Variants in SPATA13 observed in about 807,000 individuals in gnomAD.
The protein encoded by SPATA13 is spermatogenesis associated 13.
In SPATA13, 50 loss-of-function variants were observed where a neutral mutation model predicts 104.0. That is an observed-to-expected ratio of 0.48 (90% CI 0.38 to 0.61). The LOEUF (loss-of-function observed/expected upper bound fraction) is 0.61. SPATA13 is among the 20% of genes least tolerant of loss of function. SPATA13 has a pLI of 0.00. For synonymous variants in SPATA13, 606 were observed against 667.5 expected, an observed-to-expected ratio of 0.91 and a Z score of 1.42; for missense variants, 1,524 against 1,690.6, an observed-to-expected ratio of 0.90 and a Z score of 1.73.
intron 3 of SPATA13, among the ~76,000 whole-genome samples, chr13:24,101,669 A>C (rs1310635811): frequency 6.6e-6 from 1 of 152,204 alleles, no homozygotes; most frequent in Non-Finnish European, 1.5e-5. Flanking sequence ...GTAACATTAC[A>C]GTTTCTGTCT....
At chr13:24,262,544 A>T (rs1210752443) in intron 4 of SPATA13, among the ~76,000 whole-genome samples, 3 of 152,164 alleles carry the variant, frequency 2.0e-5, no homozygotes, top group African/African-American at 4.8e-5. Flanking sequence ...ATGAAAGTTA[A>T]TTTTCTTATT....
intron 3 of SPATA13, among the ~76,000 whole-genome samples, chr13:24,072,257 A>T (rs1879188416): frequency 6.6e-6 from 1 of 152,246 alleles, no homozygotes; most frequent in Non-Finnish European, 1.5e-5. Flanking sequence ...CCCTCAAGTC[A>T]TTGCCAAAAC....
intron 1 of SPATA13, among the ~76,000 whole-genome samples, chr13:23,981,271 G>GA (rs3078774): frequency 6.7e-5 from 10 of 149,180 alleles, no homozygotes; most frequent in South Asian, 2.1e-4. Context: ...TATACCATAG[G>GA]AAAAAAAAAA....
chr13:24,059,266 C>T (rs1045063038), intron 3 of SPATA13, among the ~76,000 whole-genome samples: 4 of 151,670 alleles, frequency 2.6e-5, no homozygotes, highest in Non-Finnish European at 5.9e-5. Flanking sequence ...CCACTGCATC[C>T]GGCCTGGCCT....
At chr13:24,212,930 A>G (rs1871105046) in intron 1 of SPATA13, among the ~76,000 whole-genome samples, 1 of 152,250 alleles carries the variant, frequency 6.6e-6, no homozygotes. Context: ...TAGATGTACC[A>G]TGAGGATAGG....
At chr13:24,240,065 G>A (rs1872758294) in intron 2 of SPATA13, among the ~76,000 whole-genome samples, 1 of 151,800 alleles carries the variant, frequency 6.6e-6, no homozygotes, top group Non-Finnish European at 1.5e-5. Flanking sequence ...AGCATTTTGG[G>A]AGTCTGAAGC....
intron 2 of SPATA13, among the ~76,000 whole-genome samples, chr13:24,006,864 G>A (rs1876257142): frequency 6.6e-6 from 1 of 152,216 alleles, no homozygotes; most frequent in African/African-American, 2.4e-5. Flanking sequence ...TGGTGTAGGG[G>A]GAGAGGATGC....
chr13:24,090,098 A>G (rs1027102004), intron 3 of SPATA13, among the ~76,000 whole-genome samples: 1 of 152,168 alleles, frequency 6.6e-6, no homozygotes, highest in Admixed American at 6.5e-5. Context: ...GCTTCAGACT[A>G]TAGCACTGGA....
chr13:24,173,492 A>AT (rs1405103872), intron 1 of SPATA13, among the ~76,000 whole-genome samples: 2 of 137,678 alleles, frequency 1.5e-5, no homozygotes, highest in Non-Finnish European at 3.1e-5. Flanking sequence ...TACGCCTTTT[A>AT]TTCCCCCCCG....
intron 4 of SPATA13, among the ~76,000 whole-genome samples, chr13:24,258,513 A>C (rs1408505753): frequency 1.3e-5 from 2 of 151,952 alleles, no homozygotes; most frequent in Non-Finnish European, 2.9e-5. Context: ...CTAAAAATAC[A>C]AAAAAATTAG....
Position 24,161,464 on chromosome 13 carries a change from A to G in SPATA13, c.-112+532A>G, listed in dbSNP as rs907232850. On this transcript the variant is annotated intron_variant, in intron 1 of 12. Transcript: ENST00000382108. This position sits in a 1 kb window ranked among gnomAD's most constrained non-coding sequence, Gnocchi z 4.5. ...CCAGCGGAGTCTCGTCCCAGGGGAA[A>G]GATTTTGGGACCCGGTGCCCATCGT... 3.3e-5 allele frequency among the ~76,000 whole-genome samples: 5 copies of G among 152,182 alleles called. No homozygotes were observed. The highest frequency in any genetic ancestry group is 6.5e-5 in the Admixed American group (1 of 15,280).
At chr13:24,257,374 G>A (rs1047135530) in intron 4 of SPATA13, among the ~76,000 whole-genome samples, 51 of 152,132 alleles carry the variant, frequency 3.4e-4, no homozygotes, top group African/African-American at 1.2e-3. Flanking sequence ...AAGATACCTG[G>A]TCTGTTACAT....
intron 3 of SPATA13, among the ~76,000 whole-genome samples, chr13:24,061,452 G>C (rs1248147369): frequency 6.6e-6 from 1 of 152,080 alleles, no homozygotes; most frequent in Non-Finnish European, 1.5e-5. Flanking sequence ...CAATAGCAGA[G>C]ACATGGAATC....
chr13:24,077,989 C>T (rs1280350387), intron 3 of SPATA13, among the ~76,000 whole-genome samples: 4 of 152,106 alleles, frequency 2.6e-5, no homozygotes, highest in South Asian at 2.1e-4. Context: ...GCTTGGCCTG[C>T]GATTGTCAGC....
intron 1 of SPATA13, among the ~76,000 whole-genome samples, chr13:24,220,635 C>T (rs532802093): frequency 6.6e-6 from 1 of 152,314 alleles, no homozygotes; most frequent in Non-Finnish European, 1.5e-5. Flanking sequence ...CAAATGTAAC[C>T]CCCAGCTCCT....
intron 1 of SPATA13, among the ~76,000 whole-genome samples, chr13:24,216,358 A>T (rs1240022781): frequency 6.6e-6 from 1 of 152,190 alleles, no homozygotes; most frequent in East Asian, 1.9e-4. Context: ...ATGAATCCCT[A>T]TTGGGGAAAC....
chr13:24,109,575 A>G (rs544720385), intron 3 of SPATA13, among the ~76,000 whole-genome samples: 35 of 152,268 alleles, frequency 2.3e-4, no homozygotes, highest in African/African-American at 7.7e-4. Context: ...GGGTGACAAG[A>G]TAGAGATAGA....
At chr13:24,273,695 G>A (rs764846696) in intron 4 of SPATA13, among the ~76,000 whole-genome samples, 11 of 152,298 alleles carry the variant, frequency 7.2e-5, no homozygotes, top group Admixed American at 3.9e-4. Context: ...ATGTAAATGC[G>A]ATACATATTT....
intron 3 of SPATA13, among the ~76,000 whole-genome samples, chr13:24,038,673 A>G (rs1340273666): frequency 6.6e-6 from 1 of 152,152 alleles, no homozygotes; most frequent in African/African-American, 2.4e-5. Flanking sequence ...ACAAACAGGA[A>G]AGTGAGTTGG....
Sources: gnomAD v4.1 joint callset for allele counts (sites outside exome capture counted in the v4.1 genomes callset) on GRCh38, gnomAD v4.1.1 for gene constraint, Gnocchi (gnomAD v3.1) non-coding constraint, MANE v1.5 for transcripts, NCBI Gene and HGNC (gene_info 2026-07-23, HGNC 2026-07-21) for gene names.